HCN4: variants seen among roughly 807,000 people sequenced by gnomAD.
The protein encoded by HCN4 is potassium/sodium hyperpolarization-activated cyclic nucleotide-gated channel 4.
In HCN4, 29 loss-of-function variants were observed where a neutral mutation model predicts 76.9. That is an observed-to-expected ratio of 0.38 (90% CI 0.28 to 0.51). The LOEUF (loss-of-function observed/expected upper bound fraction) is 0.51, where lower values mean the gene tolerates loss of function less well. Ranked by LOEUF, HCN4 falls within the 20% of genes least tolerant of loss-of-function variation. HCN4 has a pLI of 0.90. For missense variants in HCN4, 1,416 were observed against 1,715.2 expected, an observed-to-expected ratio of 0.83 and a Z score of 3.08; for synonymous variants, 772 against 762.5, an observed-to-expected ratio of 1.01 and a Z score of -0.21.
At chr15:73,358,092 C>A (rs533492382) in intron 1 of HCN4, among the ~76,000 whole-genome samples, 90 of 152,166 alleles carry the variant, frequency 5.9e-4, no homozygotes, top group African/African-American at 2.1e-3. Context: ...GGTCACCCAG[C>A]AGAACAGGAT....
rs757012928 is a variant in HCN4 at position 73,325,485 on chromosome 15, G to A, written c.1591-41C>T. 1 of 1,611,630 alleles carries A rather than the reference G, an allele frequency of 6.2e-7. No homozygotes were observed. The highest frequency in any genetic ancestry group is 8.5e-7 in the Non-Finnish European group (1 of 1,177,966). On this transcript the variant is annotated intron_variant, in intron 4 of 7. Transcript: ENST00000261917. The surrounding 1 kb of genome is among the most constrained non-coding windows in gnomAD (Gnocchi z 7.4). ...GGGGGCGTCAGCTCCACCCCACCAG[G>A]GGGCGTCAGCAGCCAGCCCCACCAC...
In HCN4 at chr15:73,329,603, C is replaced by T. The variant is rs200033529; in HGVS notation, c.1560G>A (p.Leu520=). Residue 520 remains leucine (L), a synonymous_variant, in exon 4 of 8, where the codon CTG becomes CTA. Transcript: ENST00000261917. ...CCTGGTACTGGCGCCGGGAGGAGTC[C>T]AGGGACTGGATGAGGGCAGTGGCGT... is the stretch of plus-strand genomic sequence containing the variant. ...IGHATALIQS[L]DSSRRQYQEK... 4.0e-5 allele frequency: 64 copies of T among 1,613,976 alleles called. No individual in the cohort carries two copies. The highest frequency in any genetic ancestry group is 5.1e-5 in the Non-Finnish European group (60 of 1,180,000).
At chr15:73,345,621 T>C (rs965668346) in intron 1 of HCN4, among the ~76,000 whole-genome samples, 35 of 152,322 alleles carry the variant, frequency 2.3e-4, no homozygotes, top group East Asian at 5.8e-4. Context: ...CCCAGCCACA[T>C]AGACCTCACT....
At chr15:73,364,443 T>G (rs1567799542) in intron 1 of HCN4, among the ~76,000 whole-genome samples, 1 of 152,316 alleles carries the variant, frequency 6.6e-6, no homozygotes, top group African/African-American at 2.4e-5. Context: ...ACCTATGTTT[T>G]TTGTTGTTGT....
intron 3 of HCN4, among the ~76,000 whole-genome samples, chr15:73,331,713 G>A (rs1198906803): frequency 6.6e-6 from 1 of 152,180 alleles, no homozygotes; most frequent in Non-Finnish European, 1.5e-5. Context: ...CTAAAGCACT[G>A]GGATTACTGG....
chr15:73,326,793 A>T (rs55848419), intron 4 of HCN4, among the ~76,000 whole-genome samples: 44,819 of 144,042 alleles, frequency 0.31, 7,856 homozygotes, highest in Non-Finnish European at 0.41. Context: ...TTATTTATTT[A>T]TTTTTTTTGT....
chr15:73,323,486 A>T lies in HCN4; in HGVS notation c.2607T>A (p.Ala869=). Reference sequence around the variant, plus strand: ...ATGAGGGCAGGAGTGGGCTCAGTCCAGCGGGGGCAGAGAATCCAGCCAGCT... The same window carrying T: ...ATGAGGGCAGGAGTGGGCTCAGTCCTGCGGGGGCAGAGAATCCAGCCAGCT... ...IQQLAGFSAP[A]GLSPLLPSSS... The change falls in exon 8 of 8, where the codon GCT becomes GCA. Residue 869 remains alanine (A), a synonymous_variant. Transcript: ENST00000261917. 6.2e-7 allele frequency: 1 copy of T among 1,604,236 alleles called. No homozygotes were observed. Among genetic ancestry groups the T allele is most frequent in the Non-Finnish European group, 8.5e-7 (1 of 1,179,756 alleles).
At chr15:73,324,914 G>A (rs759088994) in intron 6 of HCN4, 41 bp downstream of exon 6, 1 of 1,612,272 alleles carries the variant, frequency 6.2e-7, no homozygotes, top group Admixed American at 1.7e-5. Context: ...CCAGCCCCTG[G>A]GAGCAGCTGC....
chr15:73,357,205 G>T (rs1279791234), intron 1 of HCN4, among the ~76,000 whole-genome samples: 2 of 152,298 alleles, frequency 1.3e-5, no homozygotes, highest in East Asian at 3.9e-4. Flanking sequence ...AGGAAAGCAA[G>T]ACTCAGAGAG....
intron 1 of HCN4, among the ~76,000 whole-genome samples, chr15:73,348,407 C>T (rs369944294): frequency 4.9e-4 from 74 of 152,344 alleles, no homozygotes; most frequent in Non-Finnish European, 8.7e-4. Context: ...CGTGCACACA[C>T]GCACACACAC....
At chr15:73,349,430 G>A (rs1422923436) in intron 1 of HCN4, among the ~76,000 whole-genome samples, 2 of 152,108 alleles carry the variant, frequency 1.3e-5, no homozygotes, top group African/African-American at 4.8e-5. Context: ...GGAGTTGAGA[G>A]ATTTGCCATA....
chr15:73,333,822 A>AT (rs1358537292), intron 2 of HCN4, among the ~76,000 whole-genome samples: 1 of 152,196 alleles, frequency 6.6e-6, no homozygotes. Flanking sequence ...TTTGCTGAAG[A>AT]TATTGTTCAT....
intron 1 of HCN4, among the ~76,000 whole-genome samples, chr15:73,352,658 A>G (rs1017784899): frequency 7.9e-5 from 12 of 152,048 alleles, no homozygotes; most frequent in African/African-American, 2.9e-4. Context: ...AGCAGAACCA[A>G]CCACCCATAA....
chr15:73,367,590 G>A lies in HCN4; in HGVS notation c.681C>T (p.Asn227=), dbSNP rs2043134259. The A allele has an allele frequency of 1.2e-6, 2 of 1,613,830 alleles. No individual in the cohort carries two copies. Among genetic ancestry groups the A allele is most frequent in the Non-Finnish European group, 1.7e-6 (2 of 1,180,016 alleles). ...TGCCGAACATCCTTAGGGAGAATTT[G>A]TTGACCCCGGGTTGGAGCATGGCCC... ...QFGAMLQPGV[N]KFSLRMFGSQ... The change falls in exon 1 of 8, where the codon AAC becomes AAT. Residue 227 remains asparagine, a synonymous_variant. Transcript: ENST00000261917. This position sits in a 1 kb window ranked among gnomAD's most constrained non-coding sequence, Gnocchi z 7.5.
At chr15:73,329,144 A>G (rs1020299425) in intron 4 of HCN4, among the ~76,000 whole-genome samples, 50 of 152,198 alleles carry the variant, frequency 3.3e-4, no homozygotes, top group African/African-American at 1.2e-3. Context: ...TGGGGACTCC[A>G]GTGGCAGTGA....
At chr15:73,349,537 T>C (rs1164858534) in intron 1 of HCN4, among the ~76,000 whole-genome samples, 1 of 152,042 alleles carries the variant, frequency 6.6e-6, no homozygotes, top group Non-Finnish European at 1.5e-5. Context: ...TGGTATTTTA[T>C]TACTCCCAAA....
chr15:73,357,253 A>C (rs935224858), intron 1 of HCN4, among the ~76,000 whole-genome samples: 1 of 152,234 alleles, frequency 6.6e-6, no homozygotes, highest in African/African-American at 2.4e-5. Flanking sequence ...TGGGCAGCAC[A>C]GAGCCAAGTC....
At chr15:73,359,871 T>C (rs2043097421) in intron 1 of HCN4, among the ~76,000 whole-genome samples, 1 of 152,190 alleles carries the variant, frequency 6.6e-6, no homozygotes, top group Admixed American at 6.5e-5. Flanking sequence ...CACTGGACAC[T>C]TGCCCCTTCT....
chr15:73,360,993 G>A (rs2043102516), intron 1 of HCN4, among the ~76,000 whole-genome samples: 1 of 152,246 alleles, frequency 6.6e-6, no homozygotes, highest in Non-Finnish European at 1.5e-5. Flanking sequence ...GCTCCCCGCT[G>A]TGGAGTGGGA....
Sources: gnomAD v4.1 joint callset for allele counts (sites outside exome capture counted in the v4.1 genomes callset) on GRCh38, gnomAD v4.1.1 for gene constraint, Gnocchi (gnomAD v3.1) non-coding constraint, MANE v1.5 for transcripts, NCBI Gene and HGNC (gene_info 2026-07-23, HGNC 2026-07-21) for gene names.